OSBPL10: variants seen among roughly 807,000 people sequenced by gnomAD.
OSBPL10 encodes oxysterol binding protein like 10, also known as oxysterol-binding protein-related protein 10.
In OSBPL10, 49 loss-of-function variants were observed where a neutral mutation model predicts 81.7. That is an observed-to-expected ratio of 0.60 (90% CI 0.48 to 0.76). OSBPL10 has a LOEUF of 0.76. Among genes scored for constraint, OSBPL10 ranks in the 30% least tolerant of loss-of-function variants. OSBPL10 has a pLI of 0.00. For synonymous variants in OSBPL10, 419 were observed against 383.6 expected, an observed-to-expected ratio of 1.09 and a Z score of -1.08; for missense variants, 923 against 987.8, an observed-to-expected ratio of 0.93 and a Z score of 0.88.
At chr3:31,961,221 C>T (rs1017132456) in intron 1 of OSBPL10, among the ~76,000 whole-genome samples, 4 of 152,044 alleles carry the variant, frequency 2.6e-5, no homozygotes, top group Admixed American at 1.3e-4. Context: ...TAAGCAAACA[C>T]GAGCCCTGTA....
At chr3:32,020,051 A>G (rs1662535796) in intron 2 of OSBPL10, among the ~76,000 whole-genome samples, 1 of 152,234 alleles carries the variant, frequency 6.6e-6, no homozygotes, top group African/African-American at 2.4e-5. Flanking sequence ...GCAAAACACC[A>G]GAAGTCTGGA....
chr3:31,665,696 G>A (rs1700172378), intron 10 of OSBPL10, among the ~76,000 whole-genome samples: 1 of 152,190 alleles, frequency 6.6e-6, no homozygotes, highest in Middle Eastern at 3.2e-3. Flanking sequence ...GGAAAGACTC[G>A]CCCAAACAGT....
intron 6 of OSBPL10, among the ~76,000 whole-genome samples, chr3:31,730,170 G>A (rs752525023): frequency 1.4e-4 from 21 of 152,002 alleles, no homozygotes; most frequent in African/African-American, 3.9e-4. Flanking sequence ...GTGAAACCCC[G>A]TCTCTACTAA....
chr3:32,036,059 A>T (rs954310298), intron 2 of OSBPL10, among the ~76,000 whole-genome samples: 6 of 152,094 alleles, frequency 3.9e-5, no homozygotes, highest in Admixed American at 6.6e-5. Context: ...ATTTAAAAAA[A>T]TTTTTTTAGA....
intron 1 of OSBPL10, among the ~76,000 whole-genome samples, chr3:31,905,368 T>TC (rs869077578): frequency 1.9e-4 from 28 of 148,284 alleles, no homozygotes; most frequent in African/African-American, 6.1e-4. Flanking sequence ...TTTTTTTTTT[T>TC]AGACGGACTC....
intron 6 of OSBPL10, among the ~76,000 whole-genome samples, chr3:31,705,307 A>G (rs1696023711): frequency 6.6e-6 from 1 of 152,134 alleles, no homozygotes; most frequent in Admixed American, 6.5e-5. Context: ...TGTTGACAGT[A>G]AACATCTTAG....
intron 4 of OSBPL10, among the ~76,000 whole-genome samples, chr3:31,817,657 C>T (rs1299990795): frequency 6.6e-6 from 1 of 152,108 alleles, no homozygotes; most frequent in Admixed American, 6.5e-5. Flanking sequence ...CAGCTGTGGC[C>T]CCGCCAAGGA....
At chr3:31,801,828 G>GTT (rs200774070) in intron 4 of OSBPL10, among the ~76,000 whole-genome samples, 44 of 146,314 alleles carry the variant, frequency 3.0e-4, no homozygotes, top group African/African-American at 1.1e-3. Flanking sequence ...TTTTTTTGTT[G>GTT]TTTTTTTTTT....
chr3:32,069,300 A>G (rs938874435), intron 1 of OSBPL10, among the ~76,000 whole-genome samples: 1 of 152,140 alleles, frequency 6.6e-6, no homozygotes, highest in Admixed American at 6.5e-5. Flanking sequence ...TCTCATGCTG[A>G]TAACCACCAG....
At chr3:31,744,568 A>AG (rs1697462315) in intron 5 of OSBPL10, among the ~76,000 whole-genome samples, 1 of 150,508 alleles carries the variant, frequency 6.6e-6, no homozygotes, top group Non-Finnish European at 1.5e-5. Context: ...AAAGAAAGAA[A>AG]AGAAGGAGAG....
chr3:31,662,704 A>C, intron 11 of OSBPL10: 1 of 985,524 alleles, frequency 1.0e-6, no homozygotes, highest in Non-Finnish European at 1.2e-6. Flanking sequence ...ACATGTTCCC[A>C]GCCCTTCTGT....
At chr3:31,912,380 G>A (rs1041824151) in intron 1 of OSBPL10, among the ~76,000 whole-genome samples, 19 of 140,590 alleles carry the variant, frequency 1.4e-4, no homozygotes, top group African/African-American at 5.1e-4. Context: ...GGGCGACAGG[G>A]CGAGACTCTG....
intron 2 of OSBPL10, among the ~76,000 whole-genome samples, chr3:32,000,459 G>C (rs7636518): frequency 0.44 from 66,196 of 151,832 alleles, 15,746 homozygotes; most frequent in African/African-American, 0.64. Flanking sequence ...CACCACACCA[G>C]TGGGCCTCTG....
At chr3:32,042,269 C>A (rs1699583539) in intron 2 of OSBPL10, among the ~76,000 whole-genome samples, 1 of 152,236 alleles carries the variant, frequency 6.6e-6, no homozygotes, top group African/African-American at 2.4e-5. Context: ...CATGGCAGAT[C>A]AAAGACAAGC....
intron 6 of OSBPL10, among the ~76,000 whole-genome samples, chr3:31,702,908 CTGTTTA>C (rs1404860157): frequency 6.6e-6 from 1 of 152,180 alleles, no homozygotes; most frequent in Non-Finnish European, 1.5e-5. Flanking sequence ...ATAAATTTTT[CTGTTTA>C]TAAGTAAAAG....
intron 4 of OSBPL10, among the ~76,000 whole-genome samples, chr3:31,753,923 C>T (rs1002168539): frequency 6.6e-6 from 1 of 152,108 alleles, no homozygotes; most frequent in African/African-American, 2.4e-5. Flanking sequence ...TAAAGTCAGC[C>T]TTGTTTTATT....
chr3:31,947,361 A>T (rs1161033538), intron 1 of OSBPL10, among the ~76,000 whole-genome samples: 2 of 152,162 alleles, frequency 1.3e-5, no homozygotes, highest in African/African-American at 4.8e-5. Context: ...CCTCCACCCA[A>T]CTCAGCTGAA....
At chr3:32,036,740 T>G (rs1208880033) in intron 2 of OSBPL10, among the ~76,000 whole-genome samples, 1 of 151,918 alleles carries the variant, frequency 6.6e-6, no homozygotes, top group Non-Finnish European at 1.5e-5. Context: ...GGAGGATTGC[T>G]TGAGCCCAGG....
chr3:32,068,031 G>C (rs1281592369), intron 1 of OSBPL10, among the ~76,000 whole-genome samples: 1 of 152,164 alleles, frequency 6.6e-6, no homozygotes, highest in Admixed American at 6.5e-5. Flanking sequence ...CCGGTCCTCA[G>C]ACCAACCAGC....
Sources: gnomAD v4.1 joint callset for allele counts (sites outside exome capture counted in the v4.1 genomes callset) on GRCh38, gnomAD v4.1.1 for gene constraint, MANE v1.5 for transcripts, NCBI Gene and HGNC (gene_info 2026-07-23, HGNC 2026-07-21) for gene names.